SLC10A7: variants seen among roughly 807,000 people sequenced by gnomAD.
The protein encoded by SLC10A7 is sodium/bile acid cotransporter 7.
A neutral mutation model predicts 43.2 loss-of-function variants in SLC10A7; 29 were observed. That is an observed-to-expected ratio of 0.67 (90% CI 0.50 to 0.92). The LOEUF (loss-of-function observed/expected upper bound fraction) is 0.92, where lower values mean the gene tolerates loss of function less well. SLC10A7 is among the 40% of genes least tolerant of loss of function. The pLI is 0.00. For missense variants in SLC10A7, 295 were observed against 403.2 expected, an observed-to-expected ratio of 0.73 and a Z score of 2.30; for synonymous variants, 152 against 144.8, an observed-to-expected ratio of 1.05 and a Z score of -0.35.
chr4:146,262,750 C>T (rs539567875), intron 10 of SLC10A7, among the ~76,000 whole-genome samples: 5 of 152,322 alleles, frequency 3.3e-5, no homozygotes, highest in South Asian at 2.1e-4. Context: ...CCCTCACCTT[C>T]GTTTAAGAGC....
chr4:146,424,291 A>T, intron 5 of SLC10A7, among the ~76,000 whole-genome samples: 1 of 152,108 alleles, frequency 6.6e-6, no homozygotes. Context: ...GGCTCCAATG[A>T]TCCACTTGCC....
At chr4:146,359,285 T>G (rs995013337) in intron 5 of SLC10A7, among the ~76,000 whole-genome samples, 1 of 152,176 alleles carries the variant, frequency 6.6e-6, no homozygotes, top group South Asian at 2.1e-4. Context: ...TTGCTGGATA[T>G]CTGACAAAGG....
In SLC10A7 at chr4:146,463,752, A is replaced by T. The variant is rs555692429; in HGVS notation, c.397-20931T>A. On this transcript the variant is annotated intron_variant, in intron 4 of 11. Coordinates refer to ENST00000335472, the MANE Select transcript of SLC10A7 (RefSeq NM_001029998.6). ...CAAGACCCTGTCTTAAAAAAACAAA[A>T]CAAAACAGAATTCAGGTCCATAAAA... 4.6e-5 allele frequency among the ~76,000 whole-genome samples: 7 copies of T among 152,002 alleles called. No individual in the cohort carries two copies. In the East Asian group the frequency reaches 1.4e-3, roughly 29 times the overall value.
intron 5 of SLC10A7, among the ~76,000 whole-genome samples, chr4:146,337,474 A>G (rs1733968812): frequency 6.6e-6 from 1 of 152,038 alleles, no homozygotes; most frequent in African/African-American, 2.4e-5. Context: ...CACATTATCC[A>G]ATGGTCAGCC....
intron 4 of SLC10A7, among the ~76,000 whole-genome samples, chr4:146,483,433 T>C (rs1734653853): frequency 8.5e-6 from 1 of 117,184 alleles, no homozygotes; most frequent in Admixed American, 9.3e-5. Flanking sequence ...CTAAACCTCA[T>C]AGTAACCACA....
intron 6 of SLC10A7, among the ~76,000 whole-genome samples, chr4:146,310,662 T>C (rs1731912976): frequency 6.6e-6 from 1 of 152,048 alleles, no homozygotes; most frequent in Non-Finnish European, 1.5e-5. Context: ...TTACTGCATG[T>C]GGAATAATTT....
intron 5 of SLC10A7, among the ~76,000 whole-genome samples, chr4:146,345,556 C>T (rs1268817110): frequency 2.0e-5 from 3 of 152,130 alleles, no homozygotes; most frequent in Admixed American, 6.5e-5. Flanking sequence ...ACATCAGCTT[C>T]CTTCAGTTAT....
At chr4:146,438,065 T>A (rs560946056) in intron 5 of SLC10A7, among the ~76,000 whole-genome samples, 14 of 152,188 alleles carry the variant, frequency 9.2e-5, no homozygotes, top group African/African-American at 3.1e-4. Flanking sequence ...TTATTATTAT[T>A]AAAACATGGC....
intron 4 of SLC10A7, among the ~76,000 whole-genome samples, chr4:146,455,215 A>T (rs1731942771): frequency 6.6e-6 from 1 of 152,016 alleles, no homozygotes; most frequent in East Asian, 1.9e-4. Context: ...CTACAATACA[A>T]GAAGATCAAT....
At chr4:146,262,759 G>C (rs1728310492) in intron 10 of SLC10A7, among the ~76,000 whole-genome samples, 1 of 152,150 alleles carries the variant, frequency 6.6e-6, no homozygotes, top group Admixed American at 6.5e-5. Flanking sequence ...TCGTTTAAGA[G>C]CACCTCTTCC....
intron 1 of SLC10A7, among the ~76,000 whole-genome samples, chr4:146,518,994 C>A (rs1265754650): frequency 1.4e-5 from 2 of 145,456 alleles, no homozygotes; most frequent in Admixed American, 1.4e-4. Context: ...ACAACAATCA[C>A]GGCTCCTCCA....
chr4:146,256,716 T>TG, intron 11 of SLC10A7, 196 bp from the exon 12 acceptor site: 1 of 999,112 alleles, frequency 1.0e-6, no homozygotes. Context: ...CTTTGTCATT[T>TG]CCCCTCCCAC....
chr4:146,516,554 C>A (rs1376665812), intron 2 of SLC10A7, among the ~76,000 whole-genome samples: 2 of 150,518 alleles, frequency 1.3e-5, no homozygotes, highest in African/African-American at 4.9e-5. Flanking sequence ...CTTAAGACAT[C>A]TATTAATATT....
intron 5 of SLC10A7, among the ~76,000 whole-genome samples, chr4:146,401,440 T>C (rs1048617436): frequency 1.3e-5 from 2 of 152,192 alleles, no homozygotes; most frequent in Non-Finnish European, 2.9e-5. Flanking sequence ...TTACTATGGT[T>C]CCTTATTACT....
intron 5 of SLC10A7, among the ~76,000 whole-genome samples, chr4:146,431,078 T>C (rs1729740789): frequency 6.6e-6 from 1 of 152,198 alleles, no homozygotes; most frequent in Non-Finnish European, 1.5e-5. Flanking sequence ...GAAGTTTCTA[T>C]AATTTTCCCT....
rs573915367 is a variant in SLC10A7, at chr4:146,259,695, G to C, written c.848-858C>G. On this transcript the variant is annotated intron_variant, in intron 10 of 11. Coordinates refer to ENST00000335472, the MANE Select transcript of SLC10A7 (RefSeq NM_001029998.6). Reference sequence around the variant, plus strand: ...TGAGTCTACTATTCTATTATACCAAGAGCTGGGTGTGTATATTTTATAAGC... The same window carrying C: ...TGAGTCTACTATTCTATTATACCAACAGCTGGGTGTGTATATTTTATAAGC... 3.3e-5 allele frequency among the ~76,000 whole-genome samples: 5 copies of C among 152,326 alleles called. No homozygotes were observed. In the East Asian group the frequency reaches 7.7e-4, roughly 23 times the overall value.
intron 5 of SLC10A7, among the ~76,000 whole-genome samples, chr4:146,388,182 G>C (rs1193609393): frequency 2.0e-5 from 3 of 152,104 alleles, no homozygotes; most frequent in Non-Finnish European, 4.4e-5. Context: ...ATATTACAAG[G>C]CTATATTAAC....
intron 3 of SLC10A7, among the ~76,000 whole-genome samples, chr4:146,509,625 A>T (rs1737265070): frequency 6.6e-6 from 1 of 152,212 alleles, no homozygotes; most frequent in Non-Finnish European, 1.5e-5. Flanking sequence ...CAGATCTTAC[A>T]TCTGCTAGTC....
chr4:146,289,465 T>A (rs1730254407), intron 9 of SLC10A7, among the ~76,000 whole-genome samples: 1 of 152,120 alleles, frequency 6.6e-6, no homozygotes, highest in East Asian at 1.9e-4. Flanking sequence ...CTTTTTAACT[T>A]TTTATATATT....
Sources: gnomAD v4.1 joint callset for allele counts (sites outside exome capture counted in the v4.1 genomes callset) on GRCh38, gnomAD v4.1.1 for gene constraint, MANE v1.5 for transcripts, NCBI Gene and HGNC (gene_info 2026-07-23, HGNC 2026-07-21) for gene names.